Variants in MSRA observed in about 807,000 individuals in gnomAD.
MSRA encodes mitochondrial peptide methionine sulfoxide reductase.
In MSRA, 54 loss-of-function variants were observed where a neutral mutation model predicts 31.3. The observed-to-expected ratio is 1.73, with a 90% CI of 1.39 to 2.17. The LOEUF (loss-of-function observed/expected upper bound fraction) is 2.17, where lower values mean the gene tolerates loss of function less well. Ranked by LOEUF, MSRA falls within the 30% of genes most tolerant of loss-of-function variation. The pLI is 0.00. For missense variants in MSRA, 507 were observed against 300.9 expected (o/e 1.69, Z -5.07); for synonymous variants, 169 against 116.5 (o/e 1.45, Z -2.90).
chr8:10,054,713 T>C, intron 1 of MSRA, 55 bp downstream of exon 1: 1 of 1,409,814 alleles, frequency 7.1e-7, no homozygotes, highest in Non-Finnish European at 9.4e-7. Flanking sequence ...TGCGCGCCTT[T>C]GCCCGGCGGC....
chr8:10,158,415 A>G (rs921423739), intron 1 of MSRA, among the ~76,000 whole-genome samples: 1 of 152,132 alleles, frequency 6.6e-6, no homozygotes, highest in African/African-American at 2.4e-5. Context: ...ACAATAATCT[A>G]CTTTCTGTGT....
At chr8:10,137,343 T>A (rs758497472) in intron 1 of MSRA, among the ~76,000 whole-genome samples, 54 of 152,242 alleles carry the variant, frequency 3.5e-4, no homozygotes, top group Non-Finnish European at 6.0e-4. Flanking sequence ...GTGCCTGCCA[T>A]TTTTCACGGC....
At chr8:10,160,756 C>A (rs369100059) in intron 1 of MSRA, among the ~76,000 whole-genome samples, 1 of 152,038 alleles carries the variant, frequency 6.6e-6, no homozygotes, top group Admixed American at 6.5e-5. Context: ...TCTTGAACTC[C>A]TGACCTCGTG....
chr8:10,419,352 T>G (rs536675206), intron 5 of MSRA, among the ~76,000 whole-genome samples: 8 of 152,338 alleles, frequency 5.3e-5, no homozygotes, highest in Admixed American at 3.9e-4. Flanking sequence ...CTTGTGAATT[T>G]GAGTAAGGCA....
chr8:10,195,509 A>G (rs1407829475), intron 1 of MSRA, among the ~76,000 whole-genome samples: 1 of 152,150 alleles, frequency 6.6e-6, no homozygotes, highest in African/African-American at 2.4e-5. Flanking sequence ...CCCAAGTGCT[A>G]GGATTACAGG....
intron 3 of MSRA, among the ~76,000 whole-genome samples, chr8:10,249,741 A>C (rs146220812): frequency 6.6e-6 from 1 of 152,228 alleles, no homozygotes; most frequent in East Asian, 1.9e-4. Flanking sequence ...TCTGTCTCTA[A>C]GAGATGTGCT....
intron 1 of MSRA, among the ~76,000 whole-genome samples, chr8:10,089,403 A>G (rs1798748539): frequency 6.6e-6 from 1 of 152,190 alleles, no homozygotes; most frequent in South Asian, 2.1e-4. Flanking sequence ...TTTTGAGGCC[A>G]CCAGTAAATC....
In MSRA at chr8:10,356,370, T is replaced by C. The variant is rs150582942; in HGVS notation, c.543+36381T>C. ...TTTTATGTAAGCCAAACAACCTTGT[T>C]ACTGCATAACTTTGCTAGTCCCCCT... is the stretch of plus-strand genomic sequence containing the variant. On this transcript the variant is annotated intron_variant, in intron 5 of 5. Coordinates refer to ENST00000317173, the MANE Select transcript of MSRA (RefSeq NM_012331.5). Among the ~76,000 whole-genome samples, 510 of 152,358 alleles carry C rather than the reference T, an allele frequency of 3.3e-3. 2 individuals carry two copies. The highest frequency in any genetic ancestry group is 0.012 in the African/African-American group (479 of 41,590).
intron 1 of MSRA, among the ~76,000 whole-genome samples, chr8:10,149,200 C>T (rs1310550998): frequency 6.6e-6 from 1 of 151,726 alleles, no homozygotes; most frequent in African/African-American, 2.4e-5. Context: ...CGGCTCACTG[C>T]AACTTCCGCC....
intron 5 of MSRA, among the ~76,000 whole-genome samples, chr8:10,362,461 CAAA>C (rs11388593): frequency 6.5e-5 from 5 of 76,720 alleles, no homozygotes; most frequent in African/African-American, 9.9e-5. Context: ...ATACCATAAG[CAAA>C]AAAAAAAAAA....
chr8:10,155,458 TTC>T (rs983495883), intron 1 of MSRA, among the ~76,000 whole-genome samples: 2 of 152,164 alleles, frequency 1.3e-5, no homozygotes, highest in African/African-American at 2.4e-5. Context: ...TACGCACACA[TTC>T]TCTCTCTCTC....
intron 5 of MSRA, among the ~76,000 whole-genome samples, chr8:10,395,990 A>C (rs1585675323): frequency 6.6e-6 from 1 of 152,168 alleles, no homozygotes; most frequent in East Asian, 1.9e-4. Context: ...TCTCTTGTCT[A>C]ACACTTGGTA....
intron 1 of MSRA, among the ~76,000 whole-genome samples, chr8:10,164,982 C>T (rs550625963): frequency 8.5e-5 from 13 of 152,282 alleles, no homozygotes; most frequent in African/African-American, 3.1e-4. Flanking sequence ...GAGCCACGAT[C>T]ATGCCACTGC....
intron 3 of MSRA, among the ~76,000 whole-genome samples, chr8:10,259,220 C>G (rs17751178): frequency 6.6e-6 from 1 of 152,002 alleles, no homozygotes; most frequent in African/African-American, 2.4e-5. Context: ...TGGCCACTCT[C>G]TGGCAAAACT....
intron 5 of MSRA, among the ~76,000 whole-genome samples, chr8:10,424,320 T>C (rs573990163): frequency 2.0e-5 from 3 of 152,052 alleles, no homozygotes; most frequent in Admixed American, 2.0e-4. Flanking sequence ...GAGACGATGC[T>C]GAGGGGTGAA....
intron 2 of MSRA, among the ~76,000 whole-genome samples, chr8:10,237,168 C>G (rs766808766): frequency 1.4e-4 from 21 of 152,188 alleles, no homozygotes; most frequent in Non-Finnish European, 2.5e-4. Flanking sequence ...AGTTTTTCTC[C>G]TCTGCTAAGA....
intron 5 of MSRA, among the ~76,000 whole-genome samples, chr8:10,340,346 G>C (rs534673243): frequency 6.6e-6 from 1 of 152,310 alleles, no homozygotes; most frequent in South Asian, 2.1e-4. Flanking sequence ...ATGGTGGCAA[G>C]TCTATGAGCC....
At chr8:10,147,799 G>A (rs980488519) in intron 1 of MSRA, among the ~76,000 whole-genome samples, 3 of 152,218 alleles carry the variant, frequency 2.0e-5, no homozygotes, top group African/African-American at 7.2e-5. Context: ...CGTCCCAGGG[G>A]CTCGGAGACA....
chr8:10,169,722 T>C (rs552900804), intron 1 of MSRA, among the ~76,000 whole-genome samples: 1 of 152,334 alleles, frequency 6.6e-6, no homozygotes, highest in Admixed American at 6.5e-5. Flanking sequence ...TCTGATGCTA[T>C]TGTAAATGAT....
Sources: gnomAD v4.1 joint callset for allele counts (sites outside exome capture counted in the v4.1 genomes callset) on GRCh38, gnomAD v4.1.1 for gene constraint, MANE v1.5 for transcripts, NCBI Gene and HGNC (gene_info 2026-07-23, HGNC 2026-07-21) for gene names.